The following PEPD variants were observed in gnomAD, a reference collection of about 807,000 sequenced individuals.
The protein encoded by PEPD is xaa-Pro dipeptidase.
Under a neutral mutation model 60.7 loss-of-function variants are expected in PEPD, and 53 were observed. The observed-to-expected ratio is 0.87, with a 90% CI of 0.70 to 1.10. PEPD has a LOEUF of 1.10. PEPD is among the 50% of genes least tolerant of loss of function. The pLI is 0.00. For missense variants in PEPD, 711 were observed against 711.9 expected, an observed-to-expected ratio of 1.00 and a Z score of 0.01; for synonymous variants, 267 against 284.1, an observed-to-expected ratio of 0.94 and a Z score of 0.60.
At chr19:33,490,211 G>A (rs983536205) in intron 5 of PEPD, among the ~76,000 whole-genome samples, 154 bp from the exon 6 acceptor site, 74 of 152,166 alleles carry the variant, frequency 4.9e-4, no homozygotes, top group African/African-American at 1.7e-3. Context: ...GTAGCTCCAG[G>A]CCCGGCCCCA....
chr19:33,508,654 G>A (rs749460617), intron 3 of PEPD, among the ~76,000 whole-genome samples: 38 of 152,288 alleles, frequency 2.5e-4, no homozygotes, highest in Non-Finnish European at 3.7e-4. Flanking sequence ...ATGATGTGGC[G>A]GCTGGGTTCC....
At chr19:33,460,795 C>T (rs930746145) in intron 9 of PEPD, among the ~76,000 whole-genome samples, 10 of 152,180 alleles carry the variant, frequency 6.6e-5, no homozygotes, top group African/African-American at 1.9e-4. Flanking sequence ...CCGGTGCACT[C>T]GGCTGTGGCC....
Position 33,387,355 on chromosome 19 carries a change from C to G in PEPD, c.1471G>C (p.Gly491Arg). 6.2e-7 allele frequency: 1 copy of G among 1,613,970 alleles called. No individual in the cohort carries two copies. The highest frequency in any genetic ancestry group is 8.5e-7 in the Non-Finnish European group (1 of 1,180,028). Reference sequence around the variant, plus strand: ...ATTTCTGGCTGGCTCTACTTGGGGCCAGAGAAGGGGGTAAAGGCCTTGTCA... The same window carrying G: ...ATTTCTGGCTGGCTCTACTTGGGGCGAGAGAAGGGGGTAAAGGCCTTGTCA... ...GCDKAFTPFS[G>R]PK is the part of the protein sequence containing the mutation. The change falls in exon 15 of 15, where the codon GGC becomes CGC. Residue 491 changes from glycine (G) to arginine (R), a missense_variant. Transcript: ENST00000244137.
intron 10 of PEPD, 128 bp downstream of exon 10, chr19:33,413,447 C>CGGGCGCTGGTGTGGGCGTGTGAGT (rs1968821133): frequency 7.5e-6 from 5 of 663,618 alleles, no homozygotes; most frequent in Non-Finnish European, 1.4e-5. Flanking sequence ...AAGCTTGGGC[C>CGGGCGCTGGTGTGGGCGTGTGAGT]GGGCGCTGGT....
intron 7 of PEPD, chr19:33,476,971 T>C (rs942923449): frequency 6.6e-6 from 1 of 152,252 alleles, no homozygotes; most frequent in African/African-American, 2.4e-5. Context: ...CTCGAAATGA[T>C]TTTTTAAATG....
intron 9 of PEPD, among the ~76,000 whole-genome samples, chr19:33,418,964 T>G (rs1311644985): frequency 6.6e-6 from 1 of 152,132 alleles, no homozygotes; most frequent in African/African-American, 2.4e-5. Flanking sequence ...GGCACCAACA[T>G]GGCAGCGTCA....
Position 33,415,161 on chromosome 19 carries a change from T to G in PEPD, c.672-1518A>C, listed in dbSNP as rs116134115. Among the ~76,000 whole-genome samples, 579 of 152,086 alleles carry G rather than the reference T, an allele frequency of 3.8e-3. 8 individuals are homozygous for G. Among genetic ancestry groups the G allele is most frequent in the African/African-American group, 0.013 (551 of 41,480 alleles). On this transcript the variant is annotated intron_variant, in intron 9 of 14. Coordinates refer to ENST00000244137, the MANE Select transcript of PEPD (RefSeq NM_000285.4). ...CCTGACCCACGCCGTGGAACAGGGGTGCTCCCTTGGCTTTGTGAGATGTGG... is the reference window on the plus strand; with the variant it reads ...CCTGACCCACGCCGTGGAACAGGGGGGCTCCCTTGGCTTTGTGAGATGTGG...
intron 6 of PEPD, among the ~76,000 whole-genome samples, chr19:33,488,187 T>C (rs1970432425): frequency 6.6e-6 from 1 of 152,138 alleles, no homozygotes; most frequent in African/African-American, 2.4e-5. Flanking sequence ...GGAGCCCACC[T>C]GGCCCACCAC....
chr19:33,420,210 G>GC (rs5827852), intron 9 of PEPD, among the ~76,000 whole-genome samples: 152,304 of 152,304 alleles, frequency 1, 76,152 homozygotes, highest in Non-Finnish European at 1. Flanking sequence ...CCGTCCCCAA[G>GC]CCTGGCTCAT....
chr19:33,425,141 G>C (rs777554606), intron 9 of PEPD, among the ~76,000 whole-genome samples: 1 of 152,118 alleles, frequency 6.6e-6, no homozygotes, highest in African/African-American at 2.4e-5. Flanking sequence ...AGGCCGAGGC[G>C]GGTGGATCAC....
In PEPD at chr19:33,392,140, C is replaced by T. The variant is rs147251236; in HGVS notation, c.968-661G>A. On this transcript the variant is annotated intron_variant, in intron 12 of 14. Coordinates refer to ENST00000244137, the MANE Select transcript of PEPD (RefSeq NM_000285.4). Reference sequence around the variant, plus strand: ...CCCCGCCTGCCAACAGCAGGGGCACCATCTCCAGGGGAGCCAGATGTCCAA... The same window carrying T: ...CCCCGCCTGCCAACAGCAGGGGCACTATCTCCAGGGGAGCCAGATGTCCAA... 1.5e-3 allele frequency among the ~76,000 whole-genome samples: 220 copies of T among 145,048 alleles called. 1 individual carries two copies. The highest frequency in any genetic ancestry group is 5.7e-3 in the African/African-American group (208 of 36,600).
At position 33,456,444 on chromosome 19, in the gene PEPD, G is replaced by A. The variant is rs774928436; in HGVS notation, c.671+6551C>T. Among the ~76,000 whole-genome samples the A allele has an allele frequency of 3.9e-5, 6 of 152,332 alleles. 1 individual carries two copies. The Middle Eastern group carries it at 0.014, about 345-fold the overall frequency. The stretch of plus-strand genomic sequence containing the variant: ...CTCCTAGGGCTTGGACACGCAGATG[G>A]TGTTTCCTGACTGCTCTCATGATAG... On this transcript the variant is annotated intron_variant, in intron 9 of 14. Transcript: ENST00000244137.
chr19:33,465,415 C>T (rs1600138220), intron 7 of PEPD, among the ~76,000 whole-genome samples: 1 of 152,150 alleles, frequency 6.6e-6, no homozygotes, highest in Admixed American at 6.5e-5. Context: ...GCAGTGGATG[C>T]TGGGTGCACT....
At chr19:33,448,833 T>A (rs927044962) in intron 9 of PEPD, among the ~76,000 whole-genome samples, 1 of 152,190 alleles carries the variant, frequency 6.6e-6, no homozygotes, top group African/African-American at 2.4e-5. Flanking sequence ...AAAATCTGAT[T>A]TTTCAAATTT....
Position 33,387,094 on chromosome 19 carries a change from T to TTCAA in PEPD, c.*246_*249dup, listed in dbSNP as rs1402436827. On this transcript the variant is annotated 3_prime_UTR_variant, in exon 15 of 15. Coordinates refer to ENST00000244137, the MANE Select transcript of PEPD (RefSeq NM_000285.4). ...GTTGCTACTAAAGAACAGCATTATT[T>TTCAA]TCAATCATTTTAAGTCGCTCATTTA... The TTCAA allele has an allele frequency of 3.3e-5, 18 of 548,864 alleles. No homozygotes were observed. Among genetic ancestry groups the TTCAA allele is most frequent in the East Asian group, 8.9e-5 (3 of 33,868 alleles). 34.0% of individuals were successfully genotyped at this position (548,864 alleles called of 1,614,324 possible). A position where few individuals can be genotyped will look rare whatever the true frequency, so the allele number is the denominator to read the frequency against.
intron 11 of PEPD, among the ~76,000 whole-genome samples, chr19:33,410,613 G>C (rs897293494): frequency 6.6e-6 from 1 of 152,220 alleles, no homozygotes. Flanking sequence ...GCTCCTCGAT[G>C]GGAAGGCGGA....
At chr19:33,444,409 G>A (rs1002240492) in intron 9 of PEPD, among the ~76,000 whole-genome samples, 2 of 152,058 alleles carry the variant, frequency 1.3e-5, no homozygotes, top group African/African-American at 4.8e-5. Context: ...AAAAGGCAGC[G>A]ACTGATACAG....
In PEPD at chr19:33,493,329, G is replaced by A. The variant is rs373639982; in HGVS notation, c.402C>T (p.Ser134=). ...DDVQYVDEIA[S]VLTSQKPSVL... ...CAGAGGGCTTCTGTGACGTCAGGACGCTGGCAATCTAGAAGGTCGGAAAGA... is the reference window on the plus strand; with the variant it reads ...CAGAGGGCTTCTGTGACGTCAGGACACTGGCAATCTAGAAGGTCGGAAAGA... Residue 134 remains serine, a synonymous_variant, in exon 5 of 15, where the codon AGC becomes AGT. Transcript: ENST00000244137. 71 of 1,612,770 alleles carry A rather than the reference G, an allele frequency of 4.4e-5. No homozygotes were observed. The highest frequency in any genetic ancestry group is 4.4e-4 in the South Asian group (40 of 91,034).
chr19:33,387,434 C>A lies in PEPD; in HGVS notation c.1392G>T (p.Leu464=), dbSNP rs758361826. Residue 464 remains leucine (L), a synonymous_variant, in exon 15 of 15, where the codon CTG becomes CTT. Coordinates refer to ENST00000244137, the MANE Select transcript of PEPD (RefSeq NM_000285.4). ...CCACAGTGCGGGGCACGCAGGTCAG[C>A]AGCTCTATGCCGCTGTCAGTCACCA... The part of the protein sequence containing the change: ...DVVVTDSGIE[L]LTCVPRTVEE... The A allele has an allele frequency of 3.0e-5, 49 of 1,613,884 alleles. No individual in the cohort carries two copies. Among genetic ancestry groups the A allele is most frequent in the Non-Finnish European group, 3.8e-5 (45 of 1,180,046 alleles).
Sources: allele counts gnomAD v4.1 joint callset (sites outside exome capture counted in the v4.1 genomes callset), GRCh38; gene constraint gnomAD v4.1.1; transcripts MANE v1.5; gene names NCBI Gene and HGNC (gene_info 2026-07-23, HGNC 2026-07-21).